PCCA: variants seen among roughly 807,000 people sequenced by gnomAD.
The protein encoded by PCCA is propionyl-CoA carboxylase subunit alpha.
In PCCA, 74 loss-of-function variants were observed where a neutral mutation model predicts 101.3. That is an observed-to-expected ratio of 0.73 (90% CI 0.61 to 0.89). The LOEUF (loss-of-function observed/expected upper bound fraction) is 0.89. PCCA is among the 40% of genes least tolerant of loss of function. The pLI is 0.00. For synonymous variants in PCCA, 294 were observed against 313.6 expected, an observed-to-expected ratio of 0.94 and a Z score of 0.66; for missense variants, 891 against 907.0, an observed-to-expected ratio of 0.98 and a Z score of 0.23.
intron 18 of PCCA, among the ~76,000 whole-genome samples, chr13:100,362,713 G>A (rs574655940): frequency 1.3e-4 from 20 of 152,210 alleles, no homozygotes; most frequent in African/African-American, 2.2e-4. Flanking sequence ...GTAACATTAC[G>A]TATTCTATCC....
At chr13:100,393,417 CTTT>C (rs11459500) in intron 19 of PCCA, among the ~76,000 whole-genome samples, 1 of 113,694 alleles carries the variant, frequency 8.8e-6, no homozygotes. Flanking sequence ...ACTGAAGAGT[CTTT>C]TTTTTTTTTT....
chr13:100,366,193 A>G (rs1175070860), intron 18 of PCCA, among the ~76,000 whole-genome samples: 1 of 152,218 alleles, frequency 6.6e-6, no homozygotes, highest in African/African-American at 2.4e-5. Context: ...CTGCAATCAC[A>G]ATACCCCTGT....
At chr13:100,228,626 G>C (rs1385746682) in intron 7 of PCCA, among the ~76,000 whole-genome samples, 3 of 151,712 alleles carry the variant, frequency 2.0e-5, no homozygotes, top group Non-Finnish European at 4.4e-5. Context: ...GGCTGGGCGC[G>C]GTGGCTCACT....
intron 4 of PCCA, among the ~76,000 whole-genome samples, chr13:100,148,180 G>C (rs1243961770): frequency 6.6e-6 from 1 of 152,094 alleles, no homozygotes; most frequent in East Asian, 1.9e-4. Context: ...TGCCACCTTA[G>C]CCTCCACTTG....
chr13:100,289,852 A>G (rs1192310192), intron 12 of PCCA, among the ~76,000 whole-genome samples: 1 of 152,078 alleles, frequency 6.6e-6, no homozygotes, highest in Non-Finnish European at 1.5e-5. Flanking sequence ...TATACAGCCC[A>G]GACACATCTT....
intron 19 of PCCA, among the ~76,000 whole-genome samples, chr13:100,368,915 A>G (rs551040155): frequency 1.2e-3 from 177 of 152,328 alleles, no homozygotes; most frequent in Non-Finnish European, 2.1e-3. Flanking sequence ...CCATCCTTTT[A>G]AAACAAATAA....
intron 6 of PCCA, among the ~76,000 whole-genome samples, chr13:100,206,354 C>T (rs1416463448): frequency 6.6e-6 from 1 of 152,094 alleles, no homozygotes; most frequent in African/African-American, 2.4e-5. Context: ...GCAAACTCTA[C>T]CTCCCAGGTT....
At chr13:100,373,130 T>C (rs1223882348) in intron 19 of PCCA, among the ~76,000 whole-genome samples, 1 of 152,156 alleles carries the variant, frequency 6.6e-6, no homozygotes, top group African/African-American at 2.4e-5. Flanking sequence ...CAAAGGACTT[T>C]CATAGACACC....
Position 100,330,608 on chromosome 13 carries a change from C to A in PCCA, c.1477C>A (p.Arg493Ser). The A allele has an allele frequency of 6.2e-7, 1 of 1,612,816 alleles. No homozygotes were observed. Among genetic ancestry groups the A allele is most frequent in the Non-Finnish European group, 8.5e-7 (1 of 1,179,058 alleles). ...ACTTCGAGAGGTGATAATCAACTCA[C>A]GCTTTGTAAAAGGAGACATCAGCAC... ...ALLREVIINSRFVKGDISTKF... is the reference protein window; with the variant it reads ...ALLREVIINSSFVKGDISTKF... Residue 493 changes from arginine (R) to serine (S), a missense_variant, in exon 17 of 24, where the codon CGC (arginine) becomes AGC (serine). Physicochemically the swap from Arg to Ser is moderately radical, Grantham distance 110. Coordinates refer to ENST00000376285, the MANE Select transcript of PCCA (RefSeq NM_000282.4).
intron 21 of PCCA, among the ~76,000 whole-genome samples, chr13:100,493,368 C>A (rs2152983115): frequency 6.6e-6 from 1 of 152,308 alleles, no homozygotes. Flanking sequence ...GCTGCCCCAC[C>A]AAGCTGATGC....
chr13:100,268,168 T>G (rs1049777968), intron 10 of PCCA, among the ~76,000 whole-genome samples: 9 of 152,228 alleles, frequency 5.9e-5, no homozygotes, highest in African/African-American at 2.2e-4. Context: ...CTATTATGTT[T>G]GTATATTAAC....
At position 100,102,794 on chromosome 13, in the gene PCCA, G is replaced by A. The variant is rs1364504003; in HGVS notation, c.106-89G>A. ...CTACATTTATTGATCAGACACGTTC[G>A]CTAGAACCTAACTGGAAGAAATATC... On this transcript the variant is annotated intron_variant, in intron 1 of 23. Coordinates refer to ENST00000376285, the MANE Select transcript of PCCA (RefSeq NM_000282.4). 20 of 846,172 alleles carry A rather than the reference G, an allele frequency of 2.4e-5. No homozygotes were observed. The East Asian group carries it at 3.4e-4, about 14-fold the overall frequency. 52.4% of individuals were successfully genotyped at this position (846,172 alleles called of 1,614,324 possible).
chr13:100,096,964 G>A (rs1358538751), intron 1 of PCCA, among the ~76,000 whole-genome samples: 1 of 152,162 alleles, frequency 6.6e-6, no homozygotes, highest in Non-Finnish European at 1.5e-5. Flanking sequence ...CGAGGCGAGT[G>A]GATCACAAGG....
intron 1 of PCCA, among the ~76,000 whole-genome samples, chr13:100,100,594 G>T (rs755125898): frequency 2.6e-5 from 4 of 152,132 alleles, no homozygotes; most frequent in African/African-American, 9.7e-5. Context: ...ACTTTATGTT[G>T]TGGCTTTACA....
chr13:100,202,022 T>C (rs1402468680), intron 6 of PCCA, among the ~76,000 whole-genome samples: 1 of 151,876 alleles, frequency 6.6e-6, no homozygotes, highest in Non-Finnish European at 1.5e-5. Flanking sequence ...TTGCACTGAC[T>C]TCTATGGATT....
In PCCA at chr13:100,157,417, G is replaced by A. The variant is rs2053994351; in HGVS notation, c.468+77G>A. ...TGGTAGCATGGCTTTGTAAATGTGGGTAGTGATGGATTATAGAATTTTAAT... is the reference window on the plus strand; with the variant it reads ...TGGTAGCATGGCTTTGTAAATGTGGATAGTGATGGATTATAGAATTTTAAT... On this transcript the variant is annotated intron_variant, in intron 6 of 23. Coordinates refer to ENST00000376285, the MANE Select transcript of PCCA (RefSeq NM_000282.4). 2.7e-5 allele frequency: 26 copies of A among 945,832 alleles called. 1 individual carries two copies. In the South Asian group the frequency reaches 3.1e-4, roughly 11 times the overall value. The allele number at this position is 945,832 out of a possible 1,614,324, so 58.6% of individuals were successfully genotyped here. A position where few individuals can be genotyped will look rare whatever the true frequency, so the allele number is the denominator to read the frequency against.
At position 100,232,322 on chromosome 13, in the gene PCCA, CTGTTTA is replaced by C. The variant is rs1363237209; in HGVS notation, c.601-3510_601-3505del. Among the ~76,000 whole-genome samples the C allele has an allele frequency of 3.4e-5, 5 of 145,444 alleles. No homozygotes were observed. In the South Asian group the frequency reaches 1.1e-3, roughly 32 times the overall value. Reference sequence around the variant, plus strand: ...TCCCTGATCTTTCCATGGTAGCTAGCTGTTTATGTTTATGTGTGTGTGTGTATGCGT... The same window carrying C: ...TCCCTGATCTTTCCATGGTAGCTAGCTGTTTATGTGTGTGTGTGTATGCGT... On this transcript the variant is annotated intron_variant, in intron 7 of 23. Transcript: ENST00000376285.
At chr13:100,423,431 T>TATTCGGG (rs1399178923) in intron 19 of PCCA, among the ~76,000 whole-genome samples, 1 of 152,220 alleles carries the variant, frequency 6.6e-6, no homozygotes, top group Non-Finnish European at 1.5e-5. Context: ...CTGTACCTCT[T>TATTCGGG]ATTCGGGATT....
At chr13:100,096,599 A>G (rs2046796332) in intron 1 of PCCA, among the ~76,000 whole-genome samples, 1 of 152,256 alleles carries the variant, frequency 6.6e-6, no homozygotes, top group Non-Finnish European at 1.5e-5. Context: ...AAAAGCCAAG[A>G]TAGACTGAAA....
Sources: gnomAD v4.1 joint callset for allele counts (sites outside exome capture counted in the v4.1 genomes callset) on GRCh38, gnomAD v4.1.1 for gene constraint, MANE v1.5 for transcripts, NCBI Gene and HGNC (gene_info 2026-07-23, HGNC 2026-07-21) for gene names.